LARGE1: variants seen among roughly 807,000 people sequenced by gnomAD.
LARGE1 encodes xylosyl- and glucuronyltransferase LARGE1.
In LARGE1, 43 loss-of-function variants were observed where a neutral mutation model predicts 87.6. That is an observed-to-expected ratio of 0.49 (90% CI 0.38 to 0.63). The LOEUF is 0.63. Ranked by LOEUF, LARGE1 falls within the 30% of genes least tolerant of loss-of-function variation. The pLI, the probability that LARGE1 is intolerant of heterozygous loss-of-function variation, is 0.00. For synonymous variants in LARGE1, 434 were observed against 394.6 expected (o/e 1.10, Z -1.18); for missense variants, 802 against 1,000.2 (o/e 0.80, Z 2.67).
intron 2 of LARGE1, among the ~76,000 whole-genome samples, chr22:33,752,300 G>A (rs1188511162): frequency 6.6e-6 from 1 of 151,974 alleles, no homozygotes; most frequent in Non-Finnish European, 1.5e-5. Context: ...TTATATAAAT[G>A]GCTATCTTTT....
At chr22:33,574,177 C>G (rs553198853) in intron 5 of LARGE1, among the ~76,000 whole-genome samples, 26 of 152,250 alleles carry the variant, frequency 1.7e-4, no homozygotes, top group African/African-American at 5.8e-4. Flanking sequence ...ATGAACTGGA[C>G]TGTGATAAAT....
intron 1 of LARGE1, among the ~76,000 whole-genome samples, chr22:33,764,370 G>T (rs909848854): frequency 6.6e-5 from 10 of 152,136 alleles, no homozygotes; most frequent in Non-Finnish European, 1.5e-4. Context: ...GATGGCTCAA[G>T]TCCCTCATAC....
chr22:33,585,451 A>T (rs2078644163), intron 5 of LARGE1, among the ~76,000 whole-genome samples: 1 of 152,170 alleles, frequency 6.6e-6, no homozygotes, highest in African/African-American at 2.4e-5. Context: ...GCCAATGTAC[A>T]TGAAGCAAAG....
At chr22:33,288,641 G>A (rs1186587134) in intron 12 of LARGE1, among the ~76,000 whole-genome samples, 2 of 152,168 alleles carry the variant, frequency 1.3e-5, no homozygotes, top group African/African-American at 2.4e-5. Context: ...TTGTTTAGCT[G>A]CAAGCAACAG....
intron 6 of LARGE1, among the ~76,000 whole-genome samples, chr22:33,530,537 C>T (rs749276302): frequency 2.8e-5 from 4 of 143,066 alleles, no homozygotes; most frequent in Admixed American, 7.2e-5. Context: ...TAAGTTAAAA[C>T]GAAAACAAAA....
intron 2 of LARGE1, among the ~76,000 whole-genome samples, chr22:33,667,137 A>T (rs1370175537): frequency 6.6e-6 from 1 of 152,226 alleles, no homozygotes; most frequent in Non-Finnish European, 1.5e-5. Context: ...CCACGTGCAC[A>T]CACCCTCGCA....
At chr22:33,225,384 G>C (rs1925682655) in intron 11 of LARGE1, among the ~76,000 whole-genome samples, 1 of 152,158 alleles carries the variant, frequency 6.6e-6, no homozygotes, top group Non-Finnish European at 1.5e-5. Flanking sequence ...ACAATGTGCT[G>C]GGCACTGTGC....
chr22:33,357,727 GA>G (rs1235653304), intron 9 of LARGE1, among the ~76,000 whole-genome samples: 1 of 151,210 alleles, frequency 6.6e-6, no homozygotes, highest in African/African-American at 2.4e-5. Context: ...CCGGGAGGCA[GA>G]GGTTGAGGGG....
intron 5 of LARGE1, among the ~76,000 whole-genome samples, chr22:33,597,622 C>T (rs1418555109): frequency 2.0e-5 from 3 of 152,188 alleles, no homozygotes; most frequent in Non-Finnish European, 4.4e-5. Flanking sequence ...TCCTGAATCT[C>T]ACTTCATCAT....
intron 1 of LARGE1, among the ~76,000 whole-genome samples, chr22:33,785,138 CATACATATGTGTATATACATAT>C (rs1569445912): frequency 4.3e-4 from 58 of 136,432 alleles, no homozygotes; most frequent in Non-Finnish European, 5.4e-4. Flanking sequence ...TATGTGTATA[CATACATATGTGTATATACATAT>C]ATGTGTATAC....
At chr22:33,504,043 T>C (rs549851874) in intron 6 of LARGE1, among the ~76,000 whole-genome samples, 96 of 152,320 alleles carry the variant, frequency 6.3e-4, no homozygotes, top group Admixed American at 2.4e-3. Context: ...TTGTATATTA[T>C]TACTTTTACA....
At position 33,363,514 on chromosome 22, in the gene LARGE1, C is replaced by T. The variant is rs191089902; in HGVS notation, c.1131+18405G>A. Among the ~76,000 whole-genome samples the T allele has an allele frequency of 3.3e-5, 5 of 149,530 alleles. No individual in the cohort carries two copies. In the East Asian group the frequency reaches 7.8e-4, roughly 23 times the overall value. ...GAAAATCACCCCCGTGATTCAATTA[C>T]GTAACTCCCACTGGGTTCCTCCCAC... On this transcript the variant is annotated intron_variant, in intron 9 of 14. Coordinates refer to ENST00000397394, the MANE Select transcript of LARGE1 (RefSeq NM_133642.5).
At chr22:33,340,495 G>A (rs1041808058) in intron 9 of LARGE1, among the ~76,000 whole-genome samples, 1 of 151,898 alleles carries the variant, frequency 6.6e-6, no homozygotes, top group African/African-American at 2.4e-5. Flanking sequence ...GCACTGTGAG[G>A]TGGCCCTGGT....
chr22:33,918,402 A>T (rs1398972381), intron 1 of LARGE1, among the ~76,000 whole-genome samples: 1 of 151,992 alleles, frequency 6.6e-6, no homozygotes, highest in Non-Finnish European at 1.5e-5. Context: ...TAACCTCTAA[A>T]TCTTGGTGAT....
chr22:33,897,834 T>C (rs1304018210), intron 1 of LARGE1, among the ~76,000 whole-genome samples: 1 of 152,188 alleles, frequency 6.6e-6, no homozygotes, highest in African/African-American at 2.4e-5. Context: ...TATTGGATCC[T>C]GGTTTTCCCA....
intron 7 of LARGE1, among the ~76,000 whole-genome samples, chr22:33,392,195 G>GA (rs2065554858): frequency 6.7e-6 from 1 of 149,114 alleles, no homozygotes; most frequent in South Asian, 2.1e-4. Context: ...GAAGGAAAAA[G>GA]AAAAAACTGC....
At chr22:33,356,022 G>A (rs780444959) in intron 9 of LARGE1, among the ~76,000 whole-genome samples, 18 of 130,672 alleles carry the variant, frequency 1.4e-4, no homozygotes, top group South Asian at 1.1e-3. Context: ...ATAGAACTCC[G>A]CTCTCCCCAT....
chr22:33,736,314 T>G (rs911627683), intron 2 of LARGE1, among the ~76,000 whole-genome samples: 1 of 152,228 alleles, frequency 6.6e-6, no homozygotes, highest in African/African-American at 2.4e-5. Context: ...TTATTTCTTT[T>G]TGATAACCGC....
At chr22:33,410,013 T>C (rs2066251574) in intron 7 of LARGE1, among the ~76,000 whole-genome samples, 1 of 152,090 alleles carries the variant, frequency 6.6e-6, no homozygotes, top group Non-Finnish European at 1.5e-5. Flanking sequence ...ACAAATGGTG[T>C]CTTTATAATG....
Sources: gnomAD v4.1 joint callset for allele counts (sites outside exome capture counted in the v4.1 genomes callset) on GRCh38, gnomAD v4.1.1 for gene constraint, MANE v1.5 for transcripts, NCBI Gene and HGNC (gene_info 2026-07-23, HGNC 2026-07-21) for gene names.